Variants in EMSY observed in about 807,000 individuals in gnomAD.
EMSY encodes the protein EMSY transcriptional repressor, BRCA2 interacting.
A neutral mutation model predicts 134.6 loss-of-function variants in EMSY; 26 were observed. The ratio of observed to expected loss-of-function variants is 0.19; its 90% CI spans 0.14 to 0.27. The LOEUF (loss-of-function observed/expected upper bound fraction) is 0.27. Among genes scored for constraint, EMSY ranks in the 10% least tolerant of loss-of-function variants. The pLI is 1.00. For synonymous variants in EMSY, 579 were observed against 577.8 expected (o/e 1.00, Z -0.03); for missense variants, 1,305 against 1,611.4 (o/e 0.81, Z 3.26).
chr11:76,505,618 G>T (rs1950044490), intron 9 of EMSY, among the ~76,000 whole-genome samples: 4 of 151,766 alleles, frequency 2.6e-5, no homozygotes. Flanking sequence ...AGCACCTTGG[G>T]AGGCTGAGGC....
At chr11:76,533,125 G>T (rs1340351585) in intron 14 of EMSY, among the ~76,000 whole-genome samples, 1 of 152,064 alleles carries the variant, frequency 6.6e-6, no homozygotes, top group Non-Finnish European at 1.5e-5. Context: ...CAGAGGGAAG[G>T]TATATATTAC....
chr11:76,476,493 A>G (rs747839462), intron 8 of EMSY, among the ~76,000 whole-genome samples: 1 of 152,150 alleles, frequency 6.6e-6, no homozygotes. Context: ...TACATGCATG[A>G]TTATTTCTCT....
At chr11:76,549,084 G>T (rs1951755490) in intron 20 of EMSY, among the ~76,000 whole-genome samples, 1 of 152,176 alleles carries the variant, frequency 6.6e-6, no homozygotes, top group African/African-American at 2.4e-5. Context: ...ATAGAGATGG[G>T]GGTGGGATGA....
chr11:76,467,585 G>T (rs1369042287), intron 7 of EMSY, among the ~76,000 whole-genome samples: 3 of 152,178 alleles, frequency 2.0e-5, no homozygotes, highest in Non-Finnish European at 4.4e-5. Context: ...CTGGCATGTA[G>T]TAAGTGCTAA....
intron 8 of EMSY, among the ~76,000 whole-genome samples, chr11:76,474,376 A>G (rs1182109925): frequency 1.3e-5 from 2 of 152,226 alleles, no homozygotes; most frequent in Non-Finnish European, 2.9e-5. Flanking sequence ...ATTAGTTTTC[A>G]TTGAGTTTTA....
chr11:76,459,969 C>T (rs1565277581), exon 6 of EMSY: 3 of 1,614,216 alleles, frequency 1.9e-6, no homozygotes, highest in Non-Finnish European at 2.5e-6. Flanking sequence ...ACCACGTCAA[C>T]CCCAACCTCT....
intron 15 of EMSY, 70 bp from the exon 17 acceptor site, chr11:76,537,725 C>A: frequency 7.2e-7 from 1 of 1,382,202 alleles, no homozygotes; most frequent in Non-Finnish European, 9.9e-7. Flanking sequence ...TTCATTATTC[C>A]TGTGGACAAC....
In EMSY at chr11:76,528,485, C is replaced by G; in HGVS notation, c.2194+19C>G. On this transcript the variant is annotated intron_variant, in intron 14 of 20. Coordinates refer to ENST00000334736, the Ensembl canonical transcript of EMSY. ...TCCCAAGGTAAGATCTATTTTACTT[C>G]TGATTTATATAAGTACTACTGACAT... The G allele has an allele frequency of 6.4e-7, 1 of 1,563,546 alleles. No homozygotes were observed. Among genetic ancestry groups the G allele is most frequent in the East Asian group, 2.2e-5 (1 of 44,534 alleles).
At chr11:76,472,835 C>T (rs1228474031) in exon 8 of EMSY, 2 of 1,613,102 alleles carry the variant, frequency 1.2e-6, no homozygotes, top group Non-Finnish European at 1.7e-6. Flanking sequence ...TCAACAGTAG[C>T]ACAAGGTGAG....
At chr11:76,520,856 TTTAA>T (rs1475566170) in intron 11 of EMSY, among the ~76,000 whole-genome samples, 4 of 152,138 alleles carry the variant, frequency 2.6e-5, no homozygotes, top group African/African-American at 9.7e-5. Context: ...TAAAATTGTG[TTTAA>T]TTATTTTTTG....
intron 10 of EMSY, among the ~76,000 whole-genome samples, chr11:76,514,485 C>T (rs1025843444): frequency 6.6e-6 from 1 of 152,138 alleles, no homozygotes; most frequent in Non-Finnish European, 1.5e-5. Flanking sequence ...TTTATTATCT[C>T]CATTTTCAGC....
intron 9 of EMSY, among the ~76,000 whole-genome samples, chr11:76,508,349 T>G (rs958928823): frequency 2.0e-5 from 3 of 151,948 alleles, no homozygotes; most frequent in African/African-American, 7.3e-5. Flanking sequence ...GAATCTTTTT[T>G]TTTTTTTATG....
intron 2 of EMSY, among the ~76,000 whole-genome samples, chr11:76,448,860 T>C: frequency 6.6e-6 from 1 of 152,176 alleles, no homozygotes; most frequent in East Asian, 1.9e-4. Context: ...CATTTTAATA[T>C]AAGATGTTAA....
intron 8 of EMSY, among the ~76,000 whole-genome samples, chr11:76,493,104 G>A (rs1355318468): frequency 6.6e-6 from 1 of 152,152 alleles, no homozygotes; most frequent in Admixed American, 6.5e-5. Context: ...TGCTCCTGCT[G>A]CCTGGCCTCT....
intron 13 of EMSY, 89 bp from the exon 15 acceptor site, chr11:76,528,179 A>C (rs1005000819): frequency 1.9e-5 from 22 of 1,144,394 alleles, no homozygotes; most frequent in Non-Finnish European, 2.3e-5. Flanking sequence ...TTTCCATACC[A>C]GGAAAATATT....
At chr11:76,459,814 G>A (rs890319816) in intron 5 of EMSY, 119 bp from the exon 7 acceptor site, 7 of 1,108,680 alleles carry the variant, frequency 6.3e-6, no homozygotes, top group East Asian at 2.4e-5. Flanking sequence ...ACCTAGTACT[G>A]GCCTCTGACT....
intron 2 of EMSY, among the ~76,000 whole-genome samples, chr11:76,447,418 C>G (rs1947463780): frequency 6.6e-6 from 1 of 152,152 alleles, no homozygotes; most frequent in Non-Finnish European, 1.5e-5. Flanking sequence ...AGTATTTGAA[C>G]CAGGGAGTAT....
At chr11:76,460,048 A>G in exon 6 of EMSY, 1 of 1,614,154 alleles carries the variant, frequency 6.2e-7, no homozygotes. Flanking sequence ...CCTCCAATGT[A>G]GTTGTCTTGC....
intron 5 of EMSY, chr11:76,458,864 C>T (rs75154251): frequency 0.025 from 3,770 of 152,240 alleles, 71 homozygotes; most frequent in Non-Finnish European, 0.038. Context: ...CTTTAAAAAT[C>T]CTCCAATGCT....
Sources: allele counts gnomAD v4.1 joint callset (sites outside exome capture counted in the v4.1 genomes callset), GRCh38; gene constraint gnomAD v4.1.1; transcripts MANE v1.5; gene names NCBI Gene and HGNC (gene_info 2026-07-23, HGNC 2026-07-21).